GSK3B: variants seen among roughly 807,000 people sequenced by gnomAD.
The protein encoded by GSK3B is glycogen synthase kinase 3 beta.
A neutral mutation model predicts 56.4 loss-of-function variants in GSK3B; 15 were observed. The ratio of observed to expected loss-of-function variants is 0.27; its 90% CI spans 0.18 to 0.41. The LOEUF (loss-of-function observed/expected upper bound fraction) is 0.41, where lower values mean the gene tolerates loss of function less well. Among genes scored for constraint, GSK3B ranks in the 10% least tolerant of loss-of-function variants. The pLI is 1.00. For missense variants in GSK3B, 300 were observed against 513.4 expected (o/e 0.58, Z 4.02); for synonymous variants, 181 against 188.9 (o/e 0.96, Z 0.34).
chr3:120,047,767 A>C (rs1180947810), intron 1 of GSK3B, among the ~76,000 whole-genome samples: 1 of 152,236 alleles, frequency 6.6e-6, no homozygotes, highest in Admixed American at 6.5e-5. Context: ...ACAATATTTT[A>C]AAAACAAAGC....
chr3:120,050,107 CA>C (rs910521352), intron 1 of GSK3B, among the ~76,000 whole-genome samples: 7 of 152,068 alleles, frequency 4.6e-5, no homozygotes, highest in African/African-American at 1.7e-4. Context: ...GATGTGAAGA[CA>C]AAAAATCTGG....
chr3:120,006,954 CA>C (rs1228404268), intron 1 of GSK3B, among the ~76,000 whole-genome samples: 150 of 139,884 alleles, frequency 1.1e-3, no homozygotes, highest in East Asian at 3.1e-3. Context: ...AAAAAACCTT[CA>C]AAAAAAAAAA....
Position 119,825,444 on chromosome 3 carries a change from A to T in GSK3B, c.*1344T>A. 1 of 229,126 alleles carries T rather than the reference A, an allele frequency of 4.4e-6. No individual in the cohort carries two copies. 14.2% of individuals were successfully genotyped at this position (229,126 alleles called of 1,614,324 possible). A position where few individuals can be genotyped will look rare whatever the true frequency, so the allele number is the denominator to read the frequency against. ...TGGGTGTGGGGGAAACATTCTTCTC[A>T]TGCTTCAACCAGTCAATTTTGATAC... On this transcript the variant is annotated 3_prime_UTR_variant, in exon 11 of 11. Transcript: ENST00000264235.
chr3:119,920,437 C>T (rs779789261), intron 4 of GSK3B, among the ~76,000 whole-genome samples: 34 of 151,994 alleles, frequency 2.2e-4, no homozygotes, highest in East Asian at 5.8e-4. Flanking sequence ...GGTGGGGTCT[C>T]GCCATGTTGG....
At chr3:119,923,319 C>T (rs2056861324) in intron 4 of GSK3B, 54 bp downstream of exon 4, 10 of 878,228 alleles carry the variant, frequency 1.1e-5, no homozygotes, top group Non-Finnish European at 1.7e-5. Context: ...AGAGGCTCTC[C>T]TTGGTTCATA....
chr3:119,962,204 T>C (rs539254523), intron 2 of GSK3B, among the ~76,000 whole-genome samples: 99 of 151,960 alleles, frequency 6.5e-4, no homozygotes, highest in Non-Finnish European at 8.1e-4. Flanking sequence ...GGAGAAACCC[T>C]GTCTCTAGTA....
intron 6 of GSK3B, among the ~76,000 whole-genome samples, chr3:119,912,347 T>C (rs138311274): frequency 1.5e-3 from 235 of 152,186 alleles, no homozygotes; most frequent in Non-Finnish European, 2.6e-3. Context: ...TAGATCACCA[T>C]AGCAGATACA....
chr3:120,052,085 C>T (rs374476033), intron 1 of GSK3B, among the ~76,000 whole-genome samples: 11 of 152,084 alleles, frequency 7.2e-5, no homozygotes, highest in Non-Finnish European at 1.2e-4. Context: ...TCTTTATAAA[C>T]GGGATCTGTG....
At chr3:120,066,623 C>A (rs2058282532) in intron 1 of GSK3B, among the ~76,000 whole-genome samples, 1 of 152,042 alleles carries the variant, frequency 6.6e-6, no homozygotes. Context: ...ATTCCAGCTA[C>A]AAATACAAAA....
intron 1 of GSK3B, among the ~76,000 whole-genome samples, chr3:120,082,585 G>A (rs9836325): frequency 0.017 from 2,613 of 151,504 alleles, 78 homozygotes; most frequent in African/African-American, 0.06. Flanking sequence ...TAGTAGAGAC[G>A]GGGTTTCACC....
chr3:119,897,291 CATA>C lies in GSK3B; in HGVS notation c.813+8461_813+8463del, dbSNP rs541038425. Among the ~76,000 whole-genome samples the C allele has an allele frequency of 1.5e-4, 23 of 152,200 alleles. No homozygotes were observed. The South Asian group carries it at 4.6e-3, about 30-fold the overall frequency. ...AGTTACTGTAGACCAAATACAATTT[CATA>C]ATATTAGTTAAAATTAATGTTTCTT... On this transcript the variant is annotated intron_variant, in intron 7 of 10. Transcript: ENST00000264235.
intron 7 of GSK3B, among the ~76,000 whole-genome samples, chr3:119,893,181 T>C (rs1168216073): frequency 2.0e-5 from 3 of 152,074 alleles, no homozygotes; most frequent in Non-Finnish European, 2.9e-5. Context: ...CTAATTTTTA[T>C]ATTTTTAATA....
Position 120,060,183 on chromosome 3 carries a change from T to C in GSK3B, c.88+33164A>G, listed in dbSNP as rs114719808. Among the ~76,000 whole-genome samples, 1,166 of 152,228 alleles carry C rather than the reference T, an allele frequency of 7.7e-3. 15 individuals are homozygous for C. The highest frequency in any genetic ancestry group is 0.027 in the African/African-American group (1,122 of 41,524). On this transcript the variant is annotated intron_variant, in intron 1 of 10. Coordinates refer to ENST00000264235, the MANE Select transcript of GSK3B (RefSeq NM_001146156.2). ...AGACACAGATAAACAAAATCTATTA[T>C]ACATTACAAGGTGATAAGTGTTAGA... is the stretch of plus-strand genomic sequence containing the variant.
chr3:119,875,387 A>G (rs1245689245), intron 8 of GSK3B, among the ~76,000 whole-genome samples: 1 of 152,124 alleles, frequency 6.6e-6, no homozygotes, highest in Non-Finnish European at 1.5e-5. Context: ...TAAAAGATCT[A>G]TAACTAAATG....
At chr3:119,905,683 A>C (rs2056675866) in intron 7 of GSK3B, 72 bp downstream of exon 7, 2 of 871,060 alleles carry the variant, frequency 2.3e-6, no homozygotes, top group Non-Finnish European at 4.0e-6. Context: ...GTATGTGTAC[A>C]TGTGTGATAT....
Position 119,948,008 on chromosome 3 carries a change from T to C in GSK3B, c.283-657A>G, listed in dbSNP as rs73854751. Reference sequence around the variant, plus strand: ...CAAAAAAAGAAATCACTAAATAATATGATGATTTCTTAATACCACAGACTT... The same window carrying C: ...CAAAAAAAGAAATCACTAAATAATACGATGATTTCTTAATACCACAGACTT... On this transcript the variant is annotated intron_variant, in intron 2 of 10. Coordinates refer to ENST00000264235, the MANE Select transcript of GSK3B (RefSeq NM_001146156.2). Among the ~76,000 whole-genome samples the C allele has an allele frequency of 6.4e-3, 971 of 152,292 alleles. 11 individuals are homozygous for C. The highest frequency in any genetic ancestry group is 0.02 in the African/African-American group (831 of 41,552).
intron 1 of GSK3B, among the ~76,000 whole-genome samples, chr3:120,081,070 G>A (rs867700989): frequency 1.3e-5 from 2 of 152,014 alleles, no homozygotes; most frequent in East Asian, 1.9e-4. Flanking sequence ...CCGTAGTAGC[G>A]TCATATGCTC....
At chr3:119,851,138 A>G (rs1056468222) in intron 9 of GSK3B, among the ~76,000 whole-genome samples, 1 of 152,244 alleles carries the variant, frequency 6.6e-6, no homozygotes, top group Admixed American at 6.5e-5. Flanking sequence ...GTGTTCCATA[A>G]TTAAACATTT....
intron 1 of GSK3B, among the ~76,000 whole-genome samples, chr3:120,066,782 T>C (rs185433951): frequency 3.9e-5 from 6 of 152,324 alleles, no homozygotes; most frequent in East Asian, 1.9e-4. Flanking sequence ...TGCCACTGTA[T>C]GTGAAAATCA....
Sources: gnomAD v4.1 joint callset for allele counts (sites outside exome capture counted in the v4.1 genomes callset) on GRCh38, gnomAD v4.1.1 for gene constraint, MANE v1.5 for transcripts, NCBI Gene and HGNC (gene_info 2026-07-23, HGNC 2026-07-21) for gene names.